TAF12: variants seen among roughly 807,000 people sequenced by gnomAD.
TAF12 encodes the protein TATA-box binding protein associated factor 12.
In TAF12, 3 loss-of-function variants were observed where a neutral mutation model predicts 20.8. The observed-to-expected ratio is 0.14, with a 90% CI of 0.07 to 0.37. The LOEUF is 0.37. Ranked by LOEUF, TAF12 falls within the 10% of genes least tolerant of loss-of-function variation. The pLI is 1.00. For missense variants in TAF12, 131 were observed against 197.9 expected, an observed-to-expected ratio of 0.66 and a Z score of 2.03; for synonymous variants, 69 against 70.2, an observed-to-expected ratio of 0.98 and a Z score of 0.09.
upstream of TAF12, among the ~76,000 whole-genome samples, chr1:28,645,006 C>T (rs560410131): frequency 5.7e-4 from 86 of 152,212 alleles, 1 homozygote; most frequent in African/African-American, 2.0e-3. Context: ...AAGCGATCCT[C>T]CTCCACCTCA....
At chr1:28,637,865 T>C (rs1667891024) in intron 1 of TAF12, among the ~76,000 whole-genome samples, 1 of 152,090 alleles carries the variant, frequency 6.6e-6, no homozygotes, top group Non-Finnish European at 1.5e-5. Flanking sequence ...AAGTAGTATG[T>C]CTTCGCCAGG....
At chr1:28,647,931 T>G (rs1418802605), upstream of TAF12, among the ~76,000 whole-genome samples, 1 of 152,092 alleles carries the variant, frequency 6.6e-6, no homozygotes, top group Admixed American at 6.6e-5. Flanking sequence ...GTACAGTATT[T>G]CATTTTTCAC....
chr1:28,614,644 C>T (rs1378289533), intron 3 of TAF12, among the ~76,000 whole-genome samples: 1 of 151,156 alleles, frequency 6.6e-6, no homozygotes, highest in Admixed American at 6.6e-5. Flanking sequence ...GACTGAACCA[C>T]TGCACTCCAG....
Position 28,605,412 on chromosome 1 carries a change from C to A in TAF12, c.410G>T (p.Arg137Leu). ...WIPGFGSEEIRPYKKACTTEA... is the reference protein window; with the variant it reads ...WIPGFGSEEILPYKKACTTEA... ...TGTGGTGCAAGCTTTTTTGTAGGGT[C>A]GGATTTCTTCAGAGCCAAATCCTGG... The change falls in exon 5 of 6, where the codon CGA (arginine) becomes CTA (leucine). Residue 137 changes from arginine (R) to leucine (L), a missense_variant. Coordinates refer to ENST00000373824, the MANE Select transcript of TAF12 (RefSeq NM_005644.4). 6.2e-7 allele frequency: 1 copy of A among 1,613,990 alleles called. No homozygotes were observed. Among genetic ancestry groups the A allele is most frequent in the Non-Finnish European group, 8.5e-7 (1 of 1,179,994 alleles).
At chr1:28,631,918 C>T (rs896226958) in intron 1 of TAF12, among the ~76,000 whole-genome samples, 4 of 152,144 alleles carry the variant, frequency 2.6e-5, no homozygotes, top group African/African-American at 7.2e-5. Flanking sequence ...TTCTTGAAGA[C>T]AGTTTGGTAG....
At chr1:28,627,983 G>C (rs1667476259) in intron 1 of TAF12, among the ~76,000 whole-genome samples, 1 of 151,772 alleles carries the variant, frequency 6.6e-6, no homozygotes, top group African/African-American at 2.4e-5. Context: ...TAATACATAG[G>C]CTTATACAAC....
chr1:28,629,356 G>A (rs1213156056), intron 1 of TAF12, among the ~76,000 whole-genome samples: 1 of 151,946 alleles, frequency 6.6e-6, no homozygotes, highest in Non-Finnish European at 1.5e-5. Context: ...TTGTTTCTGA[G>A]ACACAGTCTC....
At chr1:28,617,077 G>A (rs1358848959) in intron 3 of TAF12, among the ~76,000 whole-genome samples, 5 of 151,932 alleles carry the variant, frequency 3.3e-5, no homozygotes, top group African/African-American at 4.8e-5. Context: ...CCAAGATCGC[G>A]CCATTGCACT....
chr1:28,627,687 A>C (rs1308116681), intron 1 of TAF12, among the ~76,000 whole-genome samples: 2 of 148,982 alleles, frequency 1.3e-5, no homozygotes, highest in African/African-American at 4.9e-5. Context: ...AAAAAAAAAA[A>C]CTAAAAAAGA....
intron 1 of TAF12, among the ~76,000 whole-genome samples, chr1:28,633,678 G>A (rs1034092614): frequency 6.6e-6 from 1 of 151,682 alleles, no homozygotes; most frequent in African/African-American, 2.4e-5. Flanking sequence ...TTGGGAGGCC[G>A]AGGTGGGCAG....
chr1:28,620,729 G>A (rs1217780580), intron 2 of TAF12, among the ~76,000 whole-genome samples: 2 of 152,028 alleles, frequency 1.3e-5, no homozygotes, highest in Non-Finnish European at 2.9e-5. Flanking sequence ...CACCATGCCC[G>A]GCCGAACCCA....
chr1:28,636,816 A>T (rs1176021283), intron 1 of TAF12, among the ~76,000 whole-genome samples: 1 of 151,872 alleles, frequency 6.6e-6, no homozygotes, highest in Non-Finnish European at 1.5e-5. Context: ...AAAAAAAAAA[A>T]TCAACATACT....
chr1:28,640,983 T>A (rs1668010956), intron 1 of TAF12, among the ~76,000 whole-genome samples: 1 of 149,536 alleles, frequency 6.7e-6, no homozygotes, highest in South Asian at 2.1e-4. Context: ...GCAGGAGGAG[T>A]GCTTGAGCCC....
At chr1:28,636,207 G>A (rs555804051) in intron 1 of TAF12, among the ~76,000 whole-genome samples, 17 of 152,326 alleles carry the variant, frequency 1.1e-4, no homozygotes, top group Admixed American at 5.2e-4. Flanking sequence ...TTATCAAAAA[G>A]GCAGTATAGG....
Position 28,617,956 on chromosome 1 carries a change from C to T in TAF12, c.243G>A (p.Glu81=), listed in dbSNP as rs994543452. 5.6e-6 allele frequency: 9 copies of T among 1,613,942 alleles called. No individual in the cohort carries two copies. Among genetic ancestry groups the T allele is most frequent in the Non-Finnish European group, 8.5e-7 (1 of 1,179,978 alleles). Residue 81 remains glutamate, a synonymous_variant, in exon 3 of 6, where the codon GAG becomes GAA. Coordinates refer to ENST00000373824, the MANE Select transcript of TAF12 (RefSeq NM_005644.4). The part of the protein sequence containing the change: ...DPNEQLDEDV[E]EMLLQIADDF... ...GGGGTACCCAACCCCACCTTACCTC[C>T]TCCACATCTTCATCCAACTGCTCAT...
chr1:28,630,048 T>G (rs1277317768), intron 1 of TAF12, among the ~76,000 whole-genome samples: 2 of 152,132 alleles, frequency 1.3e-5, no homozygotes, highest in African/African-American at 4.8e-5. Context: ...CAAGCTATCC[T>G]CCCACCTCAG....
At chr1:28,605,486 A>C (rs778583415) in intron 4 of TAF12, 26 bp from the exon 5 acceptor site, 1 of 1,611,928 alleles carries the variant, frequency 6.2e-7, no homozygotes, top group Non-Finnish European at 8.5e-7. Context: ...CAGCACAGAG[A>C]TAAACGTACC....
rs575484756 is a variant in TAF12, at chr1:28,616,979, G to T, written c.246+974C>A. Among the ~76,000 whole-genome samples the T allele has an allele frequency of 2.6e-5, 4 of 152,070 alleles. No individual in the cohort carries two copies. In the South Asian group the frequency reaches 8.3e-4, roughly 32 times the overall value. On this transcript the variant is annotated intron_variant, in intron 3 of 5. Coordinates refer to ENST00000373824, the MANE Select transcript of TAF12 (RefSeq NM_005644.4). ...TACTAAAAATACAAAAATTAGCCAG[G>T]TGTGGTGGTGCATGCCTATAATCCC... is the stretch of plus-strand genomic sequence containing the variant.
chr1:28,628,030 A>T (rs1198246058), intron 1 of TAF12, among the ~76,000 whole-genome samples: 1 of 152,014 alleles, frequency 6.6e-6, no homozygotes, highest in African/African-American at 2.4e-5. Flanking sequence ...AAGATCTGTG[A>T]ATTTTACTGT....
Sources: allele counts gnomAD v4.1 joint callset (sites outside exome capture counted in the v4.1 genomes callset), GRCh38; gene constraint gnomAD v4.1.1; transcripts MANE v1.5; gene names NCBI Gene and HGNC (gene_info 2026-07-23, HGNC 2026-07-21).